The following RBL2 variants were observed in gnomAD, a reference collection of about 807,000 sequenced individuals.
RBL2 encodes retinoblastoma-like protein 2.
Under a neutral mutation model 126.0 loss-of-function variants are expected in RBL2, and 56 were observed. That is an observed-to-expected ratio of 0.44 (90% CI 0.36 to 0.56). RBL2 has a LOEUF of 0.56. Ranked by LOEUF, RBL2 falls within the 20% of genes least tolerant of loss-of-function variation. The probability of loss-of-function intolerance (pLI) is 0.00; values close to 1 mark genes in which losing one functional copy is unlikely to be tolerated. For missense variants in RBL2, 1,229 were observed against 1,398.2 expected (o/e 0.88, Z 1.93); for synonymous variants, 454 against 478.5 (o/e 0.95, Z 0.67).
chr16:53,490,048 T>G, intron 21 of RBL2, 82 bp from the exon 22 acceptor site: 1 of 1,125,766 alleles, frequency 8.9e-7, no homozygotes, highest in Non-Finnish European at 1.2e-6. Flanking sequence ...GTAAACTGCT[T>G]AACTCATTTG....
chr16:53,472,055 A>G (rs1960543306), intron 17 of RBL2, among the ~76,000 whole-genome samples: 1 of 152,118 alleles, frequency 6.6e-6, no homozygotes, highest in Non-Finnish European at 1.5e-5. Context: ...TTAGGATAAT[A>G]TTTTCCAGGT....
chr16:53,434,691 C>G lies in RBL2; in HGVS notation c.135C>G (p.Ile45Met), dbSNP rs972568781. Residue 45 changes from isoleucine to methionine, a missense_variant, in exon 1 of 22, where the codon ATC becomes ATG. Physicochemically the swap from Ile to Met is conservative, Grantham distance 10 (BLOSUM62 1). Coordinates refer to ENST00000262133, the MANE Select transcript of RBL2 (RefSeq NM_005611.4). ...APPAESPTPQ[I>M]QQRFDELCSR... Reference sequence around the variant, plus strand: ...CTGCCGAGTCGCCCACCCCTCAGATCCAGCAGCGGTTCGACGAGCTGTGCA... The same window carrying G: ...CTGCCGAGTCGCCCACCCCTCAGATGCAGCAGCGGTTCGACGAGCTGTGCA... The G allele has an allele frequency of 2.9e-5, 46 of 1,572,638 alleles. No homozygotes were observed. Among genetic ancestry groups the G allele is most frequent in the Non-Finnish European group, 3.9e-5 (46 of 1,169,166 alleles).
At chr16:53,461,215 G>A (rs961161953) in intron 9 of RBL2, among the ~76,000 whole-genome samples, 38 of 152,168 alleles carry the variant, frequency 2.5e-4, no homozygotes, top group South Asian at 6.2e-4. Flanking sequence ...ATCCCCGGCC[G>A]GGCGAAGTGG....
intron 2 of RBL2, among the ~76,000 whole-genome samples, chr16:53,439,881 G>A (rs539257720): frequency 3.2e-4 from 48 of 148,536 alleles, no homozygotes; most frequent in African/African-American, 1.2e-3. Context: ...GCTGAGATGG[G>A]AGGATCACTT....
intron 10 of RBL2, 41 bp from the exon 11 acceptor site, chr16:53,462,507 TTGTG>T (rs1189716720): frequency 8.0e-7 from 1 of 1,242,882 alleles, no homozygotes; most frequent in Non-Finnish European, 1.1e-6. Flanking sequence ...TTTATTTTCT[TTGTG>T]TGCCATTTTT....
chr16:53,484,583 CAAAAG>C (rs776957068), intron 21 of RBL2, among the ~76,000 whole-genome samples: 3 of 152,140 alleles, frequency 2.0e-5, no homozygotes, highest in Admixed American at 6.5e-5. Context: ...AAGCCAGTCA[CAAAAG>C]AGAACATATT....
intron 8 of RBL2, among the ~76,000 whole-genome samples, chr16:53,455,585 A>G (rs1332803837): frequency 6.6e-6 from 1 of 152,220 alleles, no homozygotes; most frequent in East Asian, 1.9e-4. Context: ...GAGATAAACA[A>G]GTAAATATAT....
rs1249242313 is a variant in RBL2 at position 53,453,781 on chromosome 16, T to G, written c.992+12T>G. On this transcript the variant is annotated intron_variant, in intron 7 of 21. Coordinates refer to ENST00000262133, the MANE Select transcript of RBL2 (RefSeq NM_005611.4). ...TTTGGAGAGAGTTTGTGAGTACTTCTGTATAAAATGTTTTAATATTTTAAA... is the reference window on the plus strand; with the variant it reads ...TTTGGAGAGAGTTTGTGAGTACTTCGGTATAAAATGTTTTAATATTTTAAA... 3.2e-6 allele frequency: 5 copies of G among 1,566,274 alleles called. No homozygotes were observed. Among genetic ancestry groups the G allele is most frequent in the Admixed American group, 3.7e-5 (2 of 53,516 alleles).
chr16:53,479,000 T>C, intron 17 of RBL2, 154 bp from the exon 18 acceptor site: 1 of 621,626 alleles, frequency 1.6e-6, no homozygotes, highest in Admixed American at 3.0e-5. Flanking sequence ...CGATGTATCT[T>C]CATTTGCTAT....
At position 53,490,110 on chromosome 16, in the gene RBL2, G is replaced by A. The variant is rs763760457; in HGVS notation, c.3250-20G>A. 2.0e-6 allele frequency: 3 copies of A among 1,519,402 alleles called. No individual in the cohort carries two copies. Among genetic ancestry groups the A allele is most frequent in the East Asian group, 2.3e-5 (1 of 43,370 alleles). 94.1% of individuals were successfully genotyped at this position (1,519,402 alleles called of 1,614,324 possible). On this transcript the variant is annotated intron_variant, in intron 21 of 21. Transcript: ENST00000262133. ...TGTGCATTTGCATTTTAAAATTTTTGTATCTTTTTCCCACCATAGAGACTG... is the reference window on the plus strand; with the variant it reads ...TGTGCATTTGCATTTTAAAATTTTTATATCTTTTTCCCACCATAGAGACTG...
chr16:53,461,171 C>T (rs2058215919), intron 9 of RBL2, among the ~76,000 whole-genome samples: 1 of 152,080 alleles, frequency 6.6e-6, no homozygotes, highest in Non-Finnish European at 1.5e-5. Context: ...TGGGCCCAGG[C>T]CAAGGTTGCT....
chr16:53,437,779 G>A (rs2057972965), intron 1 of RBL2, among the ~76,000 whole-genome samples: 1 of 151,940 alleles, frequency 6.6e-6, no homozygotes, highest in Non-Finnish European at 1.5e-5. Context: ...TGTAATCCCA[G>A]CACTTTGGGA....
At chr16:53,445,232 T>TG (rs1327231181) in intron 3 of RBL2, among the ~76,000 whole-genome samples, 2 of 148,364 alleles carry the variant, frequency 1.3e-5, no homozygotes, top group East Asian at 4.0e-4. Context: ...GAGGCTGAGG[T>TG]GGGGGGATCA....
intron 21 of RBL2, among the ~76,000 whole-genome samples, chr16:53,483,375 A>G (rs546978996): frequency 2.0e-4 from 30 of 152,274 alleles, no homozygotes; most frequent in Middle Eastern, 3.4e-3. Context: ...GGCTCAGGCA[A>G]CATAAGACCC....
intron 19 of RBL2, 52 bp from the exon 20 acceptor site, chr16:53,480,515 C>T: frequency 4.1e-6 from 6 of 1,481,358 alleles, no homozygotes; most frequent in South Asian, 1.3e-5. Context: ...AAAATTAAAA[C>T]AGTCAATATT....
intron 17 of RBL2, 98 bp from the exon 18 acceptor site, chr16:53,479,056 A>G: frequency 1.1e-6 from 1 of 916,320 alleles, no homozygotes; most frequent in South Asian, 1.4e-5. Context: ...CTTTTATATA[A>G]TTTTCACCCC....
intron 3 of RBL2, 46 bp from the exon 4 acceptor site, chr16:53,446,996 C>A (rs1340530525): frequency 2.6e-6 from 3 of 1,157,970 alleles, no homozygotes; most frequent in Middle Eastern, 4.1e-4. Flanking sequence ...ATTTTTTTTT[C>A]TGATTCTTCT....
At chr16:53,450,089 C>G (rs2058100920) in intron 4 of RBL2, among the ~76,000 whole-genome samples, 1 of 151,524 alleles carries the variant, frequency 6.6e-6, no homozygotes, top group African/African-American at 2.4e-5. Context: ...CATGAGGAAC[C>G]AAGTATATTT....
At chr16:53,476,279 G>A (rs943658137) in intron 17 of RBL2, among the ~76,000 whole-genome samples, 1 of 152,136 alleles carries the variant, frequency 6.6e-6, no homozygotes, top group Non-Finnish European at 1.5e-5. Flanking sequence ...GTAGCAATAT[G>A]TTGTTAACTT....
Sources: allele counts gnomAD v4.1 joint callset (sites outside exome capture counted in the v4.1 genomes callset), GRCh38; gene constraint gnomAD v4.1.1; transcripts MANE v1.5; gene names NCBI Gene and HGNC (gene_info 2026-07-23, HGNC 2026-07-21).